The following C10orf88 variants were observed in gnomAD, a reference collection of about 807,000 sequenced individuals.
C10orf88 encodes the protein chromosome 10 open reading frame 88, also known as ATPase PAAT.
C10orf88 carries 29 observed loss-of-function variants against 34.2 expected under a neutral mutation model. That is an observed-to-expected ratio of 0.85 (90% confidence interval 0.63 to 1.16). The LOEUF is 1.16. Ranked by LOEUF, C10orf88 falls within the 50% of genes most tolerant of loss-of-function variation. The pLI, the probability that C10orf88 is intolerant of heterozygous loss-of-function variation, is 0.00. For missense variants in C10orf88, 507 were observed against 533.2 expected (o/e 0.95, Z 0.48); for synonymous variants, 194 against 197.4 (o/e 0.98, Z 0.15).
Position 122,931,702 on chromosome 10 carries a change from C to G in C10orf88, c.*725G>C, listed in dbSNP as rs1409701854. On this transcript the variant is annotated 3_prime_UTR_variant, in exon 6 of 6. Transcript: ENST00000481909. The stretch of plus-strand genomic sequence containing the variant: ...CAGAAAAGGATTCTGGGGAAAAAAC[C>G]TGTATCAGCTCAAAAGGAGAGGTTT... 1 of 152,138 alleles carries G rather than the reference C, an allele frequency of 6.6e-6. No individual in the cohort carries two copies. The highest frequency in any genetic ancestry group is 1.9e-4 in the East Asian group (1 of 5,184). The allele number at this position is 152,138 out of a possible 1,614,324, so 9.4% of individuals were successfully genotyped here. A position where few individuals can be genotyped will look rare whatever the true frequency, so the allele number is the denominator to read the frequency against.
intron 4 of C10orf88, among the ~76,000 whole-genome samples, chr10:122,947,205 C>T (rs1848648458): frequency 6.6e-6 from 1 of 152,054 alleles, no homozygotes; most frequent in African/African-American, 2.4e-5. Context: ...TTTTGAAATT[C>T]TTCTTTCTGT....
At position 122,954,187 on chromosome 10, in the gene C10orf88, CT is replaced by C; in HGVS notation, c.-10del. 1.3e-6 allele frequency: 2 copies of C among 1,556,750 alleles called. No individual in the cohort carries two copies. Among genetic ancestry groups the C allele is most frequent in the African/African-American group, 1.4e-5 (1 of 71,814 alleles). On this transcript the variant is annotated 5_prime_UTR_variant, in exon 1 of 6. Transcript: ENST00000481909. ...TCGGTCCGCGTCTCCATTCCGCCGC[CT>C]TCAGTCAGGCCAGCCCAGCCCCGGA...
intron 5 of C10orf88, among the ~76,000 whole-genome samples, chr10:122,937,146 C>T (rs1475628308): frequency 6.6e-6 from 1 of 151,980 alleles, no homozygotes; most frequent in African/African-American, 2.4e-5. Context: ...TTTTGACATA[C>T]TATATCTACT....
At chr10:122,934,654 C>T (rs1016496752) in intron 5 of C10orf88, among the ~76,000 whole-genome samples, 1 of 152,100 alleles carries the variant, frequency 6.6e-6, no homozygotes, top group Non-Finnish European at 1.5e-5. Context: ...TGGACCTGAG[C>T]TTTCATTTCT....
chr10:122,932,659 A>G lies in C10orf88; in HGVS notation c.1106T>C (p.Met369Thr). Reference sequence around the variant, plus strand: ...GTAGGAGCAAATAGATTGCTCTTCCATTCTAAAAATACATTTTTAAAAATG... The same window carrying G: ...GTAGGAGCAAATAGATTGCTCTTCCGTTCTAAAAATACATTTTTAAAAATG... ...KHGERILGVG[M>T]EEQSICSYLE... The change falls in exon 6 of 6, where the codon ATG (methionine) becomes ACG (threonine). Residue 369 changes from methionine to threonine, a missense_variant and splice_region_variant. Transcript: ENST00000481909. The G allele has an allele frequency of 6.3e-7, 1 of 1,577,920 alleles. No individual in the cohort carries two copies. Among genetic ancestry groups the G allele is most frequent in the Non-Finnish European group, 8.6e-7 (1 of 1,157,994 alleles).
rs185501674 is a variant in C10orf88 at position 122,951,365 on chromosome 10, A to G, written c.441+589T>C. 8.1e-3 allele frequency among the ~76,000 whole-genome samples: 1,227 copies of G among 152,180 alleles called. 11 individuals are homozygous for G. Among genetic ancestry groups the G allele is most frequent in the Middle Eastern group, 0.017 (5 of 294 alleles). On this transcript the variant is annotated intron_variant, in intron 3 of 5. Coordinates refer to ENST00000481909, the MANE Select transcript of C10orf88 (RefSeq NM_024942.4). The stretch of plus-strand genomic sequence containing the variant: ...ATTATCCAAGGTTAATAAATAGTCA[A>G]ATTTTATTTTTATTATTTTTTTAGT...
chr10:122,948,562 A>G, intron 4 of C10orf88, 87 bp downstream of exon 4: 1 of 1,295,280 alleles, frequency 7.7e-7, no homozygotes, highest in South Asian at 1.4e-5. Flanking sequence ...GTATGAAAGA[A>G]AAATTTTAAG....
rs900377393 is a variant in C10orf88, at chr10:122,931,809, C to T, written c.*618G>A. The T allele has an allele frequency of 1.3e-5, 2 of 152,318 alleles. No individual in the cohort carries two copies. Among genetic ancestry groups the T allele is most frequent in the African/African-American group, 2.4e-5 (1 of 41,460 alleles). 9.4% of individuals were successfully genotyped at this position (152,318 alleles called of 1,614,324 possible). On this transcript the variant is annotated 3_prime_UTR_variant, in exon 6 of 6. Coordinates refer to ENST00000481909, the MANE Select transcript of C10orf88 (RefSeq NM_024942.4). ...GAAAAATCAAATCCAAAGTACTAAT[C>T]GTAACAAGGACTAGGCTAGTTCTGA... is the stretch of plus-strand genomic sequence containing the variant.
chr10:122,943,885 G>C (rs74830424), intron 4 of C10orf88, among the ~76,000 whole-genome samples: 7,150 of 152,264 alleles, frequency 0.047, 564 homozygotes, highest in East Asian at 0.29. Context: ...GCAGGTGCTG[G>C]AGAGAATGTG....
At chr10:122,950,363 C>T (rs1011612409) in intron 3 of C10orf88, among the ~76,000 whole-genome samples, 8 of 152,192 alleles carry the variant, frequency 5.3e-5, no homozygotes, top group African/African-American at 1.9e-4. Context: ...TCATATCAAT[C>T]CTAGAGCTTC....
In C10orf88 at chr10:122,954,090, C is replaced by CTG; in HGVS notation, c.87_88dup (p.Ser30ThrfsTer31). 4 of 1,575,906 alleles carry CTG rather than the reference C, an allele frequency of 2.5e-6. No homozygotes were observed. The highest frequency in any genetic ancestry group is 3.4e-6 in the Non-Finnish European group (4 of 1,164,226). ...GAGACCGGCCCGGGTGAGGAGGAGG[C>CTG]TGTGGGTCAGGGCCCCGCCTGCAAC... is the stretch of plus-strand genomic sequence containing the variant. On this transcript the variant is annotated frameshift_variant, in exon 1 of 6. Coordinates refer to ENST00000481909, the MANE Select transcript of C10orf88 (RefSeq NM_024942.4). LOFTEE classifies it high-confidence loss of function.
At chr10:122,953,313 G>A (rs1285184613) in intron 1 of C10orf88, among the ~76,000 whole-genome samples, 2 of 152,254 alleles carry the variant, frequency 1.3e-5, no homozygotes, top group African/African-American at 2.4e-5. Flanking sequence ...TCCTGACGTC[G>A]TGATCCGCCC....
At chr10:122,940,740 T>A (rs1410713313) in intron 4 of C10orf88, among the ~76,000 whole-genome samples, 2 of 152,006 alleles carry the variant, frequency 1.3e-5, no homozygotes, top group African/African-American at 4.8e-5. Flanking sequence ...CCTCCACTGT[T>A]AACATGCTAT....
chr10:122,937,367 G>C (rs1428787731), intron 5 of C10orf88, among the ~76,000 whole-genome samples: 1 of 151,928 alleles, frequency 6.6e-6, no homozygotes, highest in African/African-American at 2.4e-5. Flanking sequence ...GCACAAAATA[G>C]TACAAATATA....
At chr10:122,939,398 T>G (rs1440471397) in intron 4 of C10orf88, among the ~76,000 whole-genome samples, 1 of 151,538 alleles carries the variant, frequency 6.6e-6, no homozygotes, top group Non-Finnish European at 1.5e-5. Context: ...TATCATGAAA[T>G]GGAGATGGTG....
chr10:122,946,657 C>A (rs539322292), intron 4 of C10orf88, among the ~76,000 whole-genome samples: 1 of 152,132 alleles, frequency 6.6e-6, no homozygotes, highest in African/African-American at 2.4e-5. Flanking sequence ...AATACAAAAA[C>A]AACAACAAAG....
intron 4 of C10orf88, among the ~76,000 whole-genome samples, chr10:122,942,609 G>A: frequency 6.7e-6 from 1 of 149,722 alleles, no homozygotes; most frequent in East Asian, 2.0e-4. Flanking sequence ...TGACATGATT[G>A]TATATCTAGA....
chr10:122,941,501 C>T (rs749013628), intron 4 of C10orf88, among the ~76,000 whole-genome samples: 1 of 152,014 alleles, frequency 6.6e-6, no homozygotes, highest in African/African-American at 2.4e-5. Flanking sequence ...AAGTCCTGCC[C>T]AAACAACATG....
intron 2 of C10orf88, among the ~76,000 whole-genome samples, chr10:122,952,411 T>C (rs1294834083): frequency 1.3e-5 from 2 of 152,234 alleles, no homozygotes; most frequent in Admixed American, 6.5e-5. Context: ...TAGGTTTATG[T>C]AGCACAGTCT....
Sources: gnomAD v4.1 joint callset for allele counts (sites outside exome capture counted in the v4.1 genomes callset) on GRCh38, gnomAD v4.1.1 for gene constraint, MANE v1.5 for transcripts, NCBI Gene and HGNC (gene_info 2026-07-23, HGNC 2026-07-21) for gene names.